The following SENP6 variants were observed in gnomAD, a reference collection of about 807,000 sequenced individuals.
The protein encoded by SENP6 is sentrin-specific protease 6.
In SENP6, 41 loss-of-function variants were observed where a neutral mutation model predicts 134.5. The observed-to-expected ratio is 0.30, with a 90% CI of 0.24 to 0.40. The LOEUF is 0.40. SENP6 is among the 10% of genes least tolerant of loss of function. SENP6 has a pLI of 1.00. For synonymous variants in SENP6, 395 were observed against 429.8 expected, an observed-to-expected ratio of 0.92 and a Z score of 1.00; for missense variants, 1,248 against 1,312.5, an observed-to-expected ratio of 0.95 and a Z score of 0.76.
At chr6:75,708,550 C>T (rs945200740) in intron 19 of SENP6, among the ~76,000 whole-genome samples, 1 of 152,086 alleles carries the variant, frequency 6.6e-6, no homozygotes, top group African/African-American at 2.4e-5. Context: ...CTGATTGCAT[C>T]ACTGGACTCC....
intron 19 of SENP6, among the ~76,000 whole-genome samples, chr6:75,706,985 T>C (rs1562074624): frequency 6.6e-6 from 1 of 152,218 alleles, no homozygotes. Flanking sequence ...GGTCTCCTTA[T>C]ATGAGAAGTT....
chr6:75,685,640 C>G (rs1292393178), intron 16 of SENP6, among the ~76,000 whole-genome samples: 2 of 152,302 alleles, frequency 1.3e-5, no homozygotes, highest in Non-Finnish European at 1.5e-5. Flanking sequence ...TTATTTCTGT[C>G]TTCATTTCGT....
At chr6:75,644,603 G>A (rs1297513664) in intron 6 of SENP6, among the ~76,000 whole-genome samples, 1 of 152,024 alleles carries the variant, frequency 6.6e-6, no homozygotes, top group Non-Finnish European at 1.5e-5. Context: ...TTGTGCCTCA[G>A]CCTCCTGAGT....
Position 75,716,249 on chromosome 6 carries a change from A to C in SENP6, c.*655A>C, listed in dbSNP as rs1439707475. 1 of 151,980 alleles carries C rather than the reference A, an allele frequency of 6.6e-6. No homozygotes were observed. The highest frequency in any genetic ancestry group is 1.5e-5 in the Non-Finnish European group (1 of 67,852). 9.4% of individuals were successfully genotyped at this position (151,980 alleles called of 1,614,324 possible). On this transcript the variant is annotated 3_prime_UTR_variant, in exon 24 of 24. Coordinates refer to ENST00000447266, the MANE Select transcript of SENP6 (RefSeq NM_015571.4). ...AGTAACCTTATACTACTAAAAAAAA[A>C]ATTCTTGCATATATTATCATCAAAT...
intron 13 of SENP6, 55 bp from the exon 14 acceptor site, chr6:75,676,975 G>A: frequency 1.2e-6 from 1 of 828,766 alleles, no homozygotes; most frequent in East Asian, 2.7e-5. Flanking sequence ...CCTTTTAAAA[G>A]TATCTATTTA....
chr6:75,665,266 ACAGAGTGAGACTCC>A (rs1772112714), intron 9 of SENP6, among the ~76,000 whole-genome samples: 1 of 151,612 alleles, frequency 6.6e-6, no homozygotes, highest in Admixed American at 6.6e-5. Context: ...AGCCTGGGTG[ACAGAGTGAGACTCC>A]GTCTCAAAAA....
chr6:75,653,153 C>T (rs942270076), intron 7 of SENP6, among the ~76,000 whole-genome samples: 2 of 152,210 alleles, frequency 1.3e-5, no homozygotes, highest in East Asian at 1.9e-4. Context: ...GCCTCACCCT[C>T]CCGAATAGCT....
chr6:75,672,728 A>C (rs977840106), intron 11 of SENP6, among the ~76,000 whole-genome samples: 1 of 152,218 alleles, frequency 6.6e-6, no homozygotes, highest in Admixed American at 6.5e-5. Flanking sequence ...ATGTTTTACT[A>C]TGTTTAATGT....
chr6:75,656,101 G>A (rs1771307418), intron 7 of SENP6, among the ~76,000 whole-genome samples: 1 of 151,528 alleles, frequency 6.6e-6, no homozygotes, highest in African/African-American at 2.4e-5. Context: ...TGTAATCCCA[G>A]CTACTCAGGA....
intron 11 of SENP6, among the ~76,000 whole-genome samples, chr6:75,672,656 T>C (rs1772765847): frequency 6.6e-6 from 1 of 152,186 alleles, no homozygotes; most frequent in Non-Finnish European, 1.5e-5. Flanking sequence ...ATAACTTCCT[T>C]ATATTTTGTA....
At chr6:75,692,798 A>C (rs1410019083) in intron 16 of SENP6, among the ~76,000 whole-genome samples, 2 of 151,872 alleles carry the variant, frequency 1.3e-5, no homozygotes, top group Non-Finnish European at 2.9e-5. Flanking sequence ...CGCCAAAAAA[A>C]AAAAATCTGT....
chr6:75,651,929 A>G (rs1770900018), intron 7 of SENP6, among the ~76,000 whole-genome samples: 1 of 152,114 alleles, frequency 6.6e-6, no homozygotes, highest in Non-Finnish European at 1.5e-5. Context: ...TAATCCCAGC[A>G]TTTGGGGAGG....
intron 8 of SENP6, 32 bp from the exon 9 acceptor site, chr6:75,663,189 A>G: frequency 6.3e-7 from 1 of 1,588,436 alleles, no homozygotes; most frequent in East Asian, 2.2e-5. Context: ...AATCAGACCA[A>G]ATGCCAAAGT....
Position 75,677,230 on chromosome 6 carries a change from G to A in SENP6, c.1822G>A (p.Gly608Arg). 3 of 1,585,554 alleles carry A rather than the reference G, an allele frequency of 1.9e-6. No homozygotes were observed. The highest frequency in any genetic ancestry group is 2.6e-6 in the Non-Finnish European group (3 of 1,167,156). Residue 608 changes from glycine (G) to arginine (R), a missense_variant, in exon 14 of 24, where the codon GGG becomes AGG. By Grantham distance (125) the Gly-to-Arg change is moderately radical. Coordinates refer to ENST00000447266, the MANE Select transcript of SENP6 (RefSeq NM_015571.4). ...TYEESIKGSCGQKENKIKTVS... is the reference protein window; with the variant it reads ...TYEESIKGSCRQKENKIKTVS... ...TGAAGAGAGCATCAAAGGAAGTTGT[G>A]GGCAAAAGGAAAACAAAATTAAAAC...
chr6:75,692,333 A>C (rs1774335628), intron 16 of SENP6, among the ~76,000 whole-genome samples: 1 of 152,154 alleles, frequency 6.6e-6, no homozygotes, highest in Non-Finnish European at 1.5e-5. Context: ...TAAAAGCATA[A>C]ATTAGGCCAG....
intron 9 of SENP6, 35 bp from the exon 10 acceptor site, chr6:75,666,677 T>C: frequency 1.0e-6 from 1 of 995,838 alleles, no homozygotes; most frequent in Non-Finnish European, 1.3e-6. Flanking sequence ...AACTATAGTT[T>C]TAATATAAAT....
In SENP6 at chr6:75,717,497, C is replaced by CAGCT. The variant is rs1776073587; in HGVS notation, c.*1905_*1908dup. Reference sequence around the variant, plus strand: ...GTCAGCTTTCTAGAGGTAGAATACTCAGCTATTTGATGGCATTTTTCCCAC... The same window carrying CAGCT: ...GTCAGCTTTCTAGAGGTAGAATACTCAGCTAGCTATTTGATGGCATTTTTCCCAC... On this transcript the variant is annotated 3_prime_UTR_variant, in exon 24 of 24. Coordinates refer to ENST00000447266, the MANE Select transcript of SENP6 (RefSeq NM_015571.4). 1 of 152,018 alleles carries CAGCT rather than the reference C, an allele frequency of 6.6e-6. No individual in the cohort carries two copies. Among genetic ancestry groups the CAGCT allele is most frequent in the Non-Finnish European group, 1.5e-5 (1 of 67,930 alleles). The allele number at this position is 152,018 out of a possible 1,614,324, so 9.4% of individuals were successfully genotyped here. A position where few individuals can be genotyped will look rare whatever the true frequency, so the allele number is the denominator to read the frequency against.
intron 16 of SENP6, among the ~76,000 whole-genome samples, chr6:75,687,669 G>A (rs1048736794): frequency 2.0e-5 from 3 of 152,084 alleles, no homozygotes; most frequent in African/African-American, 7.2e-5. Flanking sequence ...TAACAGTCAG[G>A]TCCCTCAGCT....
intron 3 of SENP6, among the ~76,000 whole-genome samples, chr6:75,631,784 A>G (rs796708176): frequency 7.9e-5 from 12 of 152,238 alleles, no homozygotes; most frequent in African/African-American, 2.4e-4. Context: ...CTTGGCAGAA[A>G]AAGTTTGCTG....
Sources: gnomAD v4.1 joint callset for allele counts (sites outside exome capture counted in the v4.1 genomes callset) on GRCh38, gnomAD v4.1.1 for gene constraint, MANE v1.5 for transcripts, NCBI Gene and HGNC (gene_info 2026-07-23, HGNC 2026-07-21) for gene names.